Variants in MX1 observed in about 807,000 individuals in gnomAD.
MX1 encodes interferon-induced GTP-binding protein Mx1.
MX1 carries 66 observed loss-of-function variants against 66.4 expected under a neutral mutation model. That is an observed-to-expected ratio of 0.99 (90% CI 0.82 to 1.22). The LOEUF (loss-of-function observed/expected upper bound fraction) is 1.22. Among genes scored for constraint, MX1 ranks in the 50% most tolerant of loss-of-function variants. The probability of loss-of-function intolerance (pLI) is 0.00; values close to 1 mark genes in which losing one functional copy is unlikely to be tolerated. For synonymous variants in MX1, 311 were observed against 318.1 expected, an observed-to-expected ratio of 0.98 and a Z score of 0.24; for missense variants, 787 against 834.3, an observed-to-expected ratio of 0.94 and a Z score of 0.70.
At chr21:41,457,179 T>C (rs2090980037) in intron 16 of MX1, among the ~76,000 whole-genome samples, 1 of 152,230 alleles carries the variant, frequency 6.6e-6, no homozygotes, top group Non-Finnish European at 1.5e-5. Flanking sequence ...TATTTCTATT[T>C]CTTGCTCAGC....
In MX1 at chr21:41,458,831, C is replaced by T. The variant is rs2230455; in HGVS notation, c.*73C>T. The T allele has an allele frequency of 2.7e-4, 422 of 1,540,562 alleles. 1 individual carries two copies. In the African/African-American group the frequency reaches 4.6e-3, roughly 17 times the overall value. On this transcript the variant is annotated 3_prime_UTR_variant, in exon 17 of 17. Coordinates refer to ENST00000398598, the MANE Select transcript of MX1 (RefSeq NM_002462.5). ...CGTTCCCGGGTAGCCACTGGACTGA[C>T]GACTTGAGTGCTCAGTAGTCAGACT...
At position 41,448,822 on chromosome 21, in the gene MX1, A is replaced by G. The variant is rs549209224; in HGVS notation, c.1274-315A>G. Among the ~76,000 whole-genome samples, 3 of 152,100 alleles carry G rather than the reference A, an allele frequency of 2.0e-5. No homozygotes were observed. The East Asian group carries it at 5.8e-4, about 29-fold the overall frequency. ...CTCTGTCACAAACAAACAAATGAAAAAAAAGGGTCTTACTCGAAGTTTCTG... is the reference window on the plus strand; with the variant it reads ...CTCTGTCACAAACAAACAAATGAAAGAAAAGGGTCTTACTCGAAGTTTCTG... On this transcript the variant is annotated intron_variant, in intron 13 of 16. Transcript: ENST00000398598.
chr21:41,421,550 T>G (rs1026326857), upstream of MX1, among the ~76,000 whole-genome samples: 9 of 152,250 alleles, frequency 5.9e-5, no homozygotes, highest in African/African-American at 2.2e-4. Flanking sequence ...TCCGCAGTGT[T>G]TGTGTCCCTG....
intron 11 of MX1, 136 bp downstream of exon 11, chr21:41,444,002 G>A (rs946532099): frequency 1.4e-5 from 11 of 800,906 alleles, no homozygotes; most frequent in Non-Finnish European, 1.8e-5. Flanking sequence ...AGATTCTGTG[G>A]GTCTGGAGTG....
chr21:41,451,109 C>T, intron 14 of MX1, 58 bp from the exon 15 acceptor site: 4 of 1,201,050 alleles, frequency 3.3e-6, no homozygotes, highest in African/African-American at 1.5e-5. Context: ...TTTTTTGCAT[C>T]TTAAGAAGAG....
rs142250427 is a variant in MX1 at position 41,438,503 on chromosome 21, T to A, written c.437-1191T>A. On this transcript the variant is annotated intron_variant, in intron 7 of 16. Coordinates refer to ENST00000398598, the MANE Select transcript of MX1 (RefSeq NM_002462.5). ...CCTCCAGAAGGCTAAGCTGGACTTA[T>A]CAATGTGGGTGGAGGGGTTCCCAGC... 4.5e-3 allele frequency among the ~76,000 whole-genome samples: 684 copies of A among 152,312 alleles called. 7 individuals are homozygous for A. The highest frequency in any genetic ancestry group is 0.016 in the African/African-American group (648 of 41,560).
intron 5 of MX1, 22 bp downstream of exon 5, chr21:41,432,197 G>T: frequency 6.2e-7 from 1 of 1,608,324 alleles, no homozygotes; most frequent in Non-Finnish European, 8.5e-7. Flanking sequence ...TCTGAAAGTC[G>T]CTATCCATGT....
upstream of MX1, chr21:41,421,774 C>T (rs1039060010): frequency 6.5e-6 from 1 of 153,272 alleles, no homozygotes; most frequent in Non-Finnish European, 1.5e-5. Context: ...AATGGAGTCT[C>T]CTATGTCTAC....
In MX1 at chr21:41,447,262, A is replaced by G. The variant is rs191384178; in HGVS notation, c.1273+1121A>G. ...TGTCCTCATCTCCTCCCACAAGGAC[A>G]CTAGGCAGATGGGATGAGGGCCCAC... On this transcript the variant is annotated intron_variant, in intron 13 of 16. Transcript: ENST00000398598. Among the ~76,000 whole-genome samples, 184 of 152,266 alleles carry G rather than the reference A, an allele frequency of 1.2e-3. 1 individual carries two copies. Among genetic ancestry groups the G allele is most frequent in the Admixed American group, 2.3e-3 (35 of 15,300 alleles).
chr21:41,448,932 G>T lies in MX1; in HGVS notation c.1274-205G>T, dbSNP rs937839916. On this transcript the variant is annotated intron_variant, in intron 13 of 16. Transcript: ENST00000398598. ...GAAAATTATCTTCAGATCTGGTTTTGTGTGTGTGTGTGTGTGTGTGTGTGT... is the reference window on the plus strand; with the variant it reads ...GAAAATTATCTTCAGATCTGGTTTTTTGTGTGTGTGTGTGTGTGTGTGTGT... Among the ~76,000 whole-genome samples the T allele has an allele frequency of 0.017, 5 of 300 alleles. No individual in the cohort carries two copies. The South Asian group carries it at 0.21, about 13-fold the overall frequency. 0.2% of individuals were successfully genotyped at this position (300 alleles called of 152,430 possible).
At chr21:41,429,160 C>A (rs1274080078) in intron 3 of MX1, 1 of 152,254 alleles carries the variant, frequency 6.6e-6, no homozygotes, top group Non-Finnish European at 1.5e-5. Flanking sequence ...GCACTCAGTT[C>A]AGTTTGAAGA....
At chr21:41,452,538 A>G in intron 15 of MX1, 83 bp from the exon 16 acceptor site, 2 of 1,458,250 alleles carry the variant, frequency 1.4e-6, no homozygotes, top group Non-Finnish European at 1.9e-6. Context: ...GTAACCTGGT[A>G]TTTACGGACT....
Position 41,446,098 on chromosome 21 carries a change from G to T in MX1, c.1230G>T (p.Glu410Asp), listed in dbSNP as rs2090656713. ...DIRLFTRLRHEFHKWSTIIEN... is the reference protein window; with the variant it reads ...DIRLFTRLRHDFHKWSTIIEN... Reference sequence around the variant, plus strand: ...GGCTGTTTACCAGACTCCGACACGAGTTCCACAAATGGAGTACAATAATTG... The same window carrying T: ...GGCTGTTTACCAGACTCCGACACGATTTCCACAAATGGAGTACAATAATTG... Residue 410 changes from glutamate (E) to aspartate (D), a missense_variant, in exon 13 of 17, where the codon GAG (glutamate) becomes GAT (aspartate). Glu to Asp is a conservative substitution (Grantham distance 45, BLOSUM62 2). Coordinates refer to ENST00000398598, the MANE Select transcript of MX1 (RefSeq NM_002462.5). 1 of 1,614,062 alleles carries T rather than the reference G, an allele frequency of 6.2e-7. No homozygotes were observed. Among genetic ancestry groups the T allele is most frequent in the Non-Finnish European group, 8.5e-7 (1 of 1,180,028 alleles).
At chr21:41,454,565 A>G (rs2090914389) in intron 16 of MX1, among the ~76,000 whole-genome samples, 1 of 152,222 alleles carries the variant, frequency 6.6e-6, no homozygotes, top group African/African-American at 2.4e-5. Context: ...TCCTTAGTGC[A>G]GCATTGGAAT....
chr21:41,435,632 G>C (rs1200819524), intron 5 of MX1, among the ~76,000 whole-genome samples: 1 of 152,112 alleles, frequency 6.6e-6, no homozygotes, highest in Non-Finnish European at 1.5e-5. Flanking sequence ...AAAACCATCA[G>C]ACCTCATGAA....
intron 13 of MX1, among the ~76,000 whole-genome samples, chr21:41,448,357 C>T (rs535674146): frequency 2.4e-4 from 37 of 152,294 alleles, no homozygotes; most frequent in Middle Eastern, 3.4e-3. Flanking sequence ...GCAATACTTT[C>T]GACACATGAA....
intron 12 of MX1, 37 bp downstream of exon 12, chr21:41,445,607 A>AT: frequency 6.2e-7 from 1 of 1,612,704 alleles, no homozygotes; most frequent in Non-Finnish European, 8.5e-7. Flanking sequence ...GGAGAAGCAC[A>AT]TGTCATGGTC....
chr21:41,421,202 G>A (rs937942265), upstream of MX1: 40 of 152,340 alleles, frequency 2.6e-4, no homozygotes, highest in Middle Eastern at 3.4e-3. Flanking sequence ...ACACATAAAC[G>A]TCTCAATGCT....
Position 41,441,950 on chromosome 21 carries a change from A to G in MX1, c.929+36A>G. The G allele has an allele frequency of 6.2e-7, 1 of 1,611,102 alleles. No homozygotes were observed. Among genetic ancestry groups the G allele is most frequent in the East Asian group, 2.2e-5 (1 of 44,838 alleles). On this transcript the variant is annotated intron_variant, in intron 10 of 16. Transcript: ENST00000398598. This position sits in a 1 kb window ranked among gnomAD's most constrained non-coding sequence, Gnocchi z 4.0. ...CTGGGTTTCATCATGGATCAGTCCA[A>G]GCCCAGGATGTCAGGCCTTCCAGGG...
Sources: allele counts gnomAD v4.1 joint callset (sites outside exome capture counted in the v4.1 genomes callset), GRCh38; gene constraint gnomAD v4.1.1; non-coding constraint Gnocchi (gnomAD v3.1); transcripts MANE v1.5; gene names NCBI Gene and HGNC (gene_info 2026-07-23, HGNC 2026-07-21).